The following ZCCHC7 variants were observed in gnomAD, a reference collection of about 807,000 sequenced individuals.
ZCCHC7 encodes the protein zinc finger CCHC domain-containing protein 7.
In ZCCHC7, 35 loss-of-function variants were observed where a neutral mutation model predicts 52.0. The observed-to-expected ratio is 0.67, with a 90% confidence interval of 0.51 to 0.89. The LOEUF is 0.89. ZCCHC7 is among the 40% of genes least tolerant of loss of function. The probability of loss-of-function intolerance (pLI) is 0.00; values close to 1 mark genes in which losing one functional copy is unlikely to be tolerated. For synonymous variants in ZCCHC7, 217 were observed against 221.5 expected (o/e 0.98, Z 0.18); for missense variants, 574 against 649.1 (o/e 0.88, Z 1.26).
At chr9:37,178,771 T>C (rs918139742) in intron 2 of ZCCHC7, among the ~76,000 whole-genome samples, 1 of 152,204 alleles carries the variant, frequency 6.6e-6, no homozygotes, top group Admixed American at 6.5e-5. Context: ...CATTAGAGTT[T>C]TGTGGATATG....
chr9:37,350,129 T>G (rs1228179065), intron 7 of ZCCHC7, among the ~76,000 whole-genome samples: 1 of 125,022 alleles, frequency 8.0e-6, no homozygotes, highest in Non-Finnish European at 1.7e-5. Flanking sequence ...GTTTTTTTTT[T>G]TTTTGGTTTT....
At chr9:37,160,865 G>A (rs905190071) in intron 2 of ZCCHC7, among the ~76,000 whole-genome samples, 2 of 151,982 alleles carry the variant, frequency 1.3e-5, no homozygotes, top group African/African-American at 2.4e-5. Flanking sequence ...TATCCTAGGC[G>A]ACAAGAGCGA....
intron 2 of ZCCHC7, among the ~76,000 whole-genome samples, chr9:37,268,307 G>T (rs1827213715): frequency 6.6e-6 from 1 of 151,396 alleles, no homozygotes; most frequent in Non-Finnish European, 1.5e-5. Context: ...GGCCAATAAG[G>T]TTTGCAGAAG....
At chr9:37,181,659 A>G (rs576492328) in intron 2 of ZCCHC7, among the ~76,000 whole-genome samples, 1 of 152,322 alleles carries the variant, frequency 6.6e-6, no homozygotes, top group Admixed American at 6.5e-5. Flanking sequence ...AAATGTCCAA[A>G]TGGGCAAATC....
intron 3 of ZCCHC7, among the ~76,000 whole-genome samples, chr9:37,303,749 C>T (rs539842362): frequency 4.1e-5 from 6 of 147,524 alleles, no homozygotes; most frequent in South Asian, 2.2e-4. Context: ...CCACATCCTC[C>T]GCCTCCCAGG....
chr9:37,306,762 C>T (rs1279025790), intron 5 of ZCCHC7, among the ~76,000 whole-genome samples: 30 of 51,992 alleles, frequency 5.8e-4, no homozygotes, highest in Admixed American at 2.2e-3. Context: ...TGTACCCGAC[C>T]TTTTTTTTTT....
chr9:37,267,732 G>T (rs1827184293), intron 2 of ZCCHC7, among the ~76,000 whole-genome samples: 1 of 151,882 alleles, frequency 6.6e-6, no homozygotes, highest in Non-Finnish European at 1.5e-5. Flanking sequence ...ACCACGCCTG[G>T]CTAATTTTTT....
intron 2 of ZCCHC7, chr9:37,186,803 G>A: frequency 2.3e-6 from 1 of 436,490 alleles, no homozygotes. Flanking sequence ...CATGGGGGAT[G>A]ATTTTGGCAC....
At chr9:37,231,617 G>A (rs550359787) in intron 2 of ZCCHC7, among the ~76,000 whole-genome samples, 3 of 152,150 alleles carry the variant, frequency 2.0e-5, no homozygotes, top group South Asian at 2.1e-4. Context: ...TACCTTAAAC[G>A]ATACATAATT....
intron 6 of ZCCHC7, among the ~76,000 whole-genome samples, chr9:37,336,624 AT>A (rs552359619): frequency 2.0e-5 from 3 of 152,240 alleles, no homozygotes; most frequent in Admixed American, 6.5e-5. Flanking sequence ...TTCTTTTATA[AT>A]TTTTTTATTG....
chr9:37,162,663 T>C (rs1291821294), intron 2 of ZCCHC7, among the ~76,000 whole-genome samples: 5 of 152,250 alleles, frequency 3.3e-5, no homozygotes, highest in Admixed American at 3.3e-4. Context: ...ATTACAAAGC[T>C]GCTAAGAACA....
chr9:37,326,384 T>G (rs1830239736), intron 5 of ZCCHC7, among the ~76,000 whole-genome samples: 1 of 151,910 alleles, frequency 6.6e-6, no homozygotes, highest in Non-Finnish European at 1.5e-5. Flanking sequence ...CTGGATATAA[T>G]AAGTGGGTTT....
chr9:37,299,592 G>A (rs934074331), intron 2 of ZCCHC7, among the ~76,000 whole-genome samples: 2 of 152,144 alleles, frequency 1.3e-5, no homozygotes, highest in African/African-American at 2.4e-5. Context: ...CTTTCCTTGG[G>A]GTGAGATTTT....
chr9:37,221,809 GT>G (rs958677278), intron 2 of ZCCHC7, among the ~76,000 whole-genome samples: 4 of 151,412 alleles, frequency 2.6e-5, no homozygotes, highest in East Asian at 3.9e-4. Flanking sequence ...TTTTTAAAAA[GT>G]TTTTTTTTGT....
intron 2 of ZCCHC7, among the ~76,000 whole-genome samples, chr9:37,166,993 G>A (rs1036347143): frequency 5.9e-5 from 9 of 152,162 alleles, no homozygotes; most frequent in East Asian, 1.9e-4. Flanking sequence ...AATATCCTGC[G>A]TAAGAATGCC....
rs146131363 is a variant in ZCCHC7, at chr9:37,352,643, A to G, written c.1084-2067A>G. 2.1e-3 allele frequency among the ~76,000 whole-genome samples: 307 copies of G among 149,754 alleles called. 5 individuals are homozygous for G. The East Asian group carries it at 0.052, about 25-fold the overall frequency. On this transcript the variant is annotated intron_variant, in intron 7 of 8. Transcript: ENST00000336755. ...AAGCTATTCCTACTTCAGCCTCCCAAGTAGCTGGGATTACAGGCATGTGCC... is the reference window on the plus strand; with the variant it reads ...AAGCTATTCCTACTTCAGCCTCCCAGGTAGCTGGGATTACAGGCATGTGCC...
At chr9:37,137,454 A>C (rs1445173364) in intron 2 of ZCCHC7, among the ~76,000 whole-genome samples, 1 of 152,196 alleles carries the variant, frequency 6.6e-6, no homozygotes, top group Admixed American at 6.5e-5. Flanking sequence ...GGATGTGATG[A>C]AATGTTTTAA....
At chr9:37,149,696 T>C (rs1217029227) in intron 2 of ZCCHC7, among the ~76,000 whole-genome samples, 1 of 152,204 alleles carries the variant, frequency 6.6e-6, no homozygotes, top group African/African-American at 2.4e-5. Context: ...TATGCTACTT[T>C]AGGATAATAT....
At chr9:37,173,544 A>G (rs1821854768) in intron 2 of ZCCHC7, among the ~76,000 whole-genome samples, 1 of 152,252 alleles carries the variant, frequency 6.6e-6, no homozygotes, top group Non-Finnish European at 1.5e-5. Flanking sequence ...CTTCAGTTAG[A>G]TTCTGCATTT....
Sources: gnomAD v4.1 joint callset for allele counts (sites outside exome capture counted in the v4.1 genomes callset) on GRCh38, gnomAD v4.1.1 for gene constraint, MANE v1.5 for transcripts, NCBI Gene and HGNC (gene_info 2026-07-23, HGNC 2026-07-21) for gene names.